PRKCH: variants seen among roughly 807,000 people sequenced by gnomAD.
PRKCH encodes protein kinase C eta.
Under a neutral mutation model 82.5 loss-of-function variants are expected in PRKCH, and 28 were observed. That is an observed-to-expected ratio of 0.34 (90% CI 0.25 to 0.47). The LOEUF is 0.47. Among genes scored for constraint, PRKCH ranks in the 20% least tolerant of loss-of-function variants. The pLI, the probability that PRKCH is intolerant of heterozygous loss-of-function variation, is 1.00. For missense variants in PRKCH, 705 were observed against 881.8 expected (o/e 0.80, Z 2.54); for synonymous variants, 322 against 327.4 (o/e 0.98, Z 0.18).
chr14:61,529,261 ACT>A (rs1423237511), intron 11 of PRKCH, 48 bp downstream of exon 11: 1 of 1,548,852 alleles, frequency 6.5e-7, no homozygotes, highest in Non-Finnish European at 8.7e-7. Flanking sequence ...CTCTCCAGTA[ACT>A]CTGACCAGAA....
At chr14:61,253,700 T>C (rs1225540236) in intron 1 of PRKCH, among the ~76,000 whole-genome samples, 1 of 152,216 alleles carries the variant, frequency 6.6e-6, no homozygotes, top group Non-Finnish European at 1.5e-5. Flanking sequence ...CTAATTATAC[T>C]GGTTTCTAAT....
intron 1 of PRKCH, among the ~76,000 whole-genome samples, chr14:61,346,915 C>T (rs1031239830): frequency 6.6e-6 from 1 of 152,312 alleles, no homozygotes; most frequent in African/African-American, 2.4e-5. Context: ...TTTTCACATC[C>T]ATCTTTTCAT....
Position 61,280,275 on chromosome 14 carries a change from G to A in PRKCH, c.-19+92607G>A, listed in dbSNP as rs1268510681. The A allele has an allele frequency of 6.2e-7, 1 of 1,613,922 alleles. No individual in the cohort carries two copies. Among genetic ancestry groups the A allele is most frequent in the East Asian group, 2.2e-5 (1 of 44,878 alleles). ...TGTGGCCGCCGAACGCGCGCACCGG[G>A]TAGTTGTAGGTGATGTTGACGCGGT... On this transcript the variant is annotated intron_variant, in intron 1 of 3. Transcript: ENST00000555185. This position sits in a 1 kb window ranked among gnomAD's most constrained non-coding sequence, Gnocchi z 5.0.
At chr14:61,275,054 G>C (rs374665250) in intron 1 of PRKCH, among the ~76,000 whole-genome samples, 1 of 152,168 alleles carries the variant, frequency 6.6e-6, no homozygotes, top group East Asian at 1.9e-4. Context: ...AGCATGAATA[G>C]GAAATGTTTC....
At chr14:61,446,744 A>G (rs1036881038) in intron 4 of PRKCH, among the ~76,000 whole-genome samples, 2 of 152,258 alleles carry the variant, frequency 1.3e-5, no homozygotes, top group Non-Finnish European at 2.9e-5. Context: ...AATCGCTGTC[A>G]CTTTGTGGCA....
At chr14:61,350,675 C>T (rs937435783) in intron 1 of PRKCH, among the ~76,000 whole-genome samples, 1 of 152,166 alleles carries the variant, frequency 6.6e-6, no homozygotes, top group Non-Finnish European at 1.5e-5. Context: ...TTCCAGGAAG[C>T]TCGAGTGCTT....
intron 1 of PRKCH, among the ~76,000 whole-genome samples, chr14:61,235,576 A>G (rs1263562105): frequency 6.6e-6 from 1 of 152,200 alleles, no homozygotes; most frequent in Non-Finnish European, 1.5e-5. Context: ...GTTTTACAGT[A>G]CTAGGTATGG....
At chr14:61,258,620 A>G (rs1400347890) in intron 1 of PRKCH, among the ~76,000 whole-genome samples, 1 of 152,216 alleles carries the variant, frequency 6.6e-6, no homozygotes, top group Non-Finnish European at 1.5e-5. Flanking sequence ...GAACACAGAC[A>G]TAGATTTTTT....
chr14:61,363,886 G>T (rs1027578401), intron 1 of PRKCH, among the ~76,000 whole-genome samples: 2 of 151,144 alleles, frequency 1.3e-5, no homozygotes, highest in African/African-American at 4.9e-5. Flanking sequence ...AGCTGGGGCA[G>T]GGGACAGTTT....
At chr14:61,248,871 G>A (rs1196475257) in intron 1 of PRKCH, among the ~76,000 whole-genome samples, 1 of 151,928 alleles carries the variant, frequency 6.6e-6, no homozygotes, top group Non-Finnish European at 1.5e-5. Flanking sequence ...GCTTGATCTC[G>A]GGTCACTGCA....
intron 10 of PRKCH, among the ~76,000 whole-genome samples, chr14:61,498,157 A>G (rs12436884): frequency 0.81 from 123,615 of 151,916 alleles, 50,582 homozygotes; most frequent in Middle Eastern, 0.9. Context: ...GGGATTGCAG[A>G]CATGCGCCAC....
At chr14:61,299,353 CA>C (rs1252366917) in intron 1 of PRKCH, among the ~76,000 whole-genome samples, 2 of 151,918 alleles carry the variant, frequency 1.3e-5, no homozygotes, top group African/African-American at 4.8e-5. Context: ...CCTTACCAGT[CA>C]AAAGTTCCTA....
In PRKCH at chr14:61,367,356, GTGTA is replaced by G. The variant is rs1307541846; in HGVS notation, c.364-23865_364-23862del. On this transcript the variant is annotated intron_variant, in intron 1 of 13. Coordinates refer to ENST00000332981, the MANE Select transcript of PRKCH (RefSeq NM_006255.5). ...CTACTCAGGTATTGCGTGTGTGTGT[GTGTA>G]TGTGTGTGTGTGTGTGTGTGTGTGT... 1.2e-3 allele frequency among the ~76,000 whole-genome samples: 171 copies of G among 137,112 alleles called. 3 individuals carry two copies. Among genetic ancestry groups the G allele is most frequent in the African/African-American group, 4.5e-3 (149 of 33,062 alleles). 90.0% of individuals were successfully genotyped at this position (137,112 alleles called of 152,430 possible).
At chr14:61,538,351 C>G (rs1033503037) in intron 12 of PRKCH, among the ~76,000 whole-genome samples, 3 of 152,184 alleles carry the variant, frequency 2.0e-5, no homozygotes, top group Non-Finnish European at 1.5e-5. Flanking sequence ...AGAAAAGGAA[C>G]CGTTTGCTCA....
intron 1 of PRKCH, among the ~76,000 whole-genome samples, chr14:61,345,242 A>G (rs755126033): frequency 3.3e-5 from 5 of 152,214 alleles, no homozygotes; most frequent in Non-Finnish European, 7.3e-5. Flanking sequence ...TGAGGGTAGA[A>G]AGAATAGATT....
Position 61,280,999 on chromosome 14 carries a change from C to T in PRKCH, c.-19+93331C>T. 1.3e-6 allele frequency: 2 copies of T among 1,540,322 alleles called. No individual in the cohort carries two copies. Among genetic ancestry groups the T allele is most frequent in the Non-Finnish European group, 1.7e-6 (2 of 1,145,688 alleles). ...GTTGGAGGAGTAGTAGAGGCCCAGG[C>T]CCAGGCCGATGAAGGCCAGGCCCGC... On this transcript the variant is annotated intron_variant, in intron 1 of 3. Transcript: ENST00000555185. This position sits in a 1 kb window ranked among gnomAD's most constrained non-coding sequence, Gnocchi z 5.0.
intron 1 of PRKCH, among the ~76,000 whole-genome samples, chr14:61,377,878 T>C (rs2046445761): frequency 6.6e-6 from 1 of 152,212 alleles, no homozygotes; most frequent in Non-Finnish European, 1.5e-5. Context: ...AAAATCTTCC[T>C]TTTACATGTT....
chr14:61,513,628 A>G (rs1158233168), intron 10 of PRKCH, among the ~76,000 whole-genome samples: 2 of 152,188 alleles, frequency 1.3e-5, no homozygotes, highest in Non-Finnish European at 2.9e-5. Context: ...GTAAATTACT[A>G]GAAAAATGAA....
At chr14:61,345,868 G>C (rs904253149) in intron 1 of PRKCH, among the ~76,000 whole-genome samples, 1 of 147,086 alleles carries the variant, frequency 6.8e-6, no homozygotes, top group African/African-American at 2.6e-5. Flanking sequence ...GCAAGACCCT[G>C]TCTCTCTTTT....
Sources: allele counts gnomAD v4.1 joint callset (sites outside exome capture counted in the v4.1 genomes callset), GRCh38; gene constraint gnomAD v4.1.1; non-coding constraint Gnocchi (gnomAD v3.1); transcripts MANE v1.5; gene names NCBI Gene and HGNC (gene_info 2026-07-23, HGNC 2026-07-21).